NEBL: variants seen among roughly 807,000 people sequenced by gnomAD.
NEBL encodes nebulette, also known as LIM and SH3 protein 2.
Under a neutral mutation model 140.2 loss-of-function variants are expected in NEBL, and 122 were observed. That is an observed-to-expected ratio of 0.87 (90% CI 0.75 to 1.01). The LOEUF is 1.01. Ranked by LOEUF, NEBL falls within the 50% of genes least tolerant of loss-of-function variation. NEBL has a pLI of 0.00. For missense variants in NEBL, 1,365 were observed against 1,231.3 expected (o/e 1.11, Z -1.62); for synonymous variants, 436 against 398.9 (o/e 1.09, Z -1.11).
In NEBL at chr10:20,978,480, G is replaced by A. The variant is rs141813108; in HGVS notation, c.250-16701C>T. ...TAAATCAAAAATTTAGAAAGGGCTG[G>A]GTGCAGTGGCTCACATCTGTAATTT... On this transcript the variant is annotated intron_variant, in intron 3 of 6. Transcript: ENST00000417816. Among the ~76,000 whole-genome samples, 108 of 152,178 alleles carry A rather than the reference G, an allele frequency of 7.1e-4. 1 individual carries two copies. Among genetic ancestry groups the A allele is most frequent in the African/African-American group, 2.5e-3 (102 of 41,528 alleles).
intron 2 of NEBL, among the ~76,000 whole-genome samples, chr10:21,047,087 T>C (rs1416205633): frequency 6.6e-6 from 1 of 152,198 alleles, no homozygotes; most frequent in Admixed American, 6.5e-5. Flanking sequence ...CATGCAGACT[T>C]TCCAGATGTA....
At chr10:21,230,050 C>T (rs908117149) in intron 3 of NEBL, among the ~76,000 whole-genome samples, 1 of 152,216 alleles carries the variant, frequency 6.6e-6, no homozygotes, top group Admixed American at 6.5e-5. Flanking sequence ...AATTCCATCT[C>T]TTGGGTTAGA....
chr10:21,117,660 T>C (rs1360799564), intron 2 of NEBL, among the ~76,000 whole-genome samples: 2 of 152,196 alleles, frequency 1.3e-5, no homozygotes, highest in Admixed American at 6.6e-5. Flanking sequence ...TTATTCTTAG[T>C]ATGTTACGTT....
At chr10:21,072,422 G>A (rs376548903) in intron 2 of NEBL, among the ~76,000 whole-genome samples, 1 of 152,182 alleles carries the variant, frequency 6.6e-6, no homozygotes, top group Non-Finnish European at 1.5e-5. Flanking sequence ...AGGTGGACAT[G>A]TCTGTTGGGT....
chr10:20,988,430 C>CA (rs1387734596), intron 3 of NEBL, among the ~76,000 whole-genome samples: 1 of 150,972 alleles, frequency 6.6e-6, no homozygotes, highest in African/African-American at 2.4e-5. Context: ...ATTTTCCCAC[C>CA]AAAAAAAAAT....
intron 2 of NEBL, among the ~76,000 whole-genome samples, chr10:21,086,524 T>G (rs1466068453): frequency 2.0e-5 from 3 of 152,220 alleles, no homozygotes; most frequent in African/African-American, 7.2e-5. Flanking sequence ...ACACCTGTAA[T>G]CCCAGCACTT....
intron 24 of NEBL, 53 bp downstream of exon 24, chr10:20,812,716 C>G (rs1838281698): frequency 6.2e-7 from 1 of 1,604,292 alleles, no homozygotes; most frequent in Non-Finnish European, 8.5e-7. Flanking sequence ...GAAGCTAGAG[C>G]AAGCATGATC....
At chr10:20,840,630 A>G in intron 13 of NEBL, 109 bp downstream of exon 13, 1 of 762,768 alleles carries the variant, frequency 1.3e-6, no homozygotes. Context: ...GCTGTTTACA[A>G]TCACTTACAT....
intron 3 of NEBL, among the ~76,000 whole-genome samples, chr10:21,001,578 G>A (rs1007396595): frequency 3.3e-5 from 5 of 151,910 alleles, no homozygotes; most frequent in Non-Finnish European, 5.9e-5. Context: ...CAATCCACAG[G>A]TGAACTTATT....
chr10:21,016,097 A>G (rs1838545158), intron 3 of NEBL, among the ~76,000 whole-genome samples: 1 of 152,248 alleles, frequency 6.6e-6, no homozygotes, highest in African/African-American at 2.4e-5. Flanking sequence ...ACCACTCTTC[A>G]TGCTATTTCT....
intron 1 of NEBL, among the ~76,000 whole-genome samples, chr10:21,265,166 A>T (rs1281934064): frequency 6.6e-6 from 1 of 151,780 alleles, no homozygotes; most frequent in Non-Finnish European, 1.5e-5. Flanking sequence ...CAGGTGATCC[A>T]CCCACCTGGG....
intron 2 of NEBL, chr10:21,030,271 G>A: frequency 6.4e-6 from 4 of 620,874 alleles, no homozygotes; most frequent in South Asian, 1.6e-5. Flanking sequence ...ACCCAAGCTG[G>A]CGAAGTGAAG....
intron 9 of NEBL, among the ~76,000 whole-genome samples, chr10:20,855,432 A>C (rs1356250170): frequency 6.6e-6 from 1 of 151,758 alleles, no homozygotes; most frequent in East Asian, 1.9e-4. Flanking sequence ...ATGAATATAT[A>C]CTGAAAAATT....
At chr10:21,133,799 C>T (rs1032010997) in intron 2 of NEBL, among the ~76,000 whole-genome samples, 2 of 152,048 alleles carry the variant, frequency 1.3e-5, no homozygotes, top group African/African-American at 4.8e-5. Context: ...TCTGATTCTA[C>T]CAGGTGGCTG....
At chr10:21,099,295 A>C (rs140440030) in intron 2 of NEBL, among the ~76,000 whole-genome samples, 251 of 152,210 alleles carry the variant, frequency 1.6e-3, no homozygotes, top group Non-Finnish European at 2.5e-3. Flanking sequence ...TCACACACTG[A>C]GTAGCCCACC....
At chr10:20,981,137 C>G (rs904473228) in intron 3 of NEBL, among the ~76,000 whole-genome samples, 2 of 152,138 alleles carry the variant, frequency 1.3e-5, no homozygotes. Flanking sequence ...TCCACTTAAA[C>G]ACACAGGTTA....
chr10:20,799,821 A>C (rs1426547893), intron 26 of NEBL, among the ~76,000 whole-genome samples: 5 of 152,162 alleles, frequency 3.3e-5, no homozygotes, highest in Non-Finnish European at 7.3e-5. Flanking sequence ...TTCTTAAATA[A>C]AGCTCATGTA....
chr10:20,828,818 G>A (rs965704580), intron 16 of NEBL, among the ~76,000 whole-genome samples, 184 bp from the exon 17 acceptor site: 1 of 151,782 alleles, frequency 6.6e-6, no homozygotes, highest in African/African-American at 2.4e-5. Context: ...ACCATTCTTC[G>A]ATCTCTACCA....
At chr10:20,845,208 T>C in intron 12 of NEBL, 50 bp downstream of exon 12, 1 of 1,209,544 alleles carries the variant, frequency 8.3e-7, no homozygotes, top group South Asian at 1.3e-5. Flanking sequence ...TTCCTGGGTT[T>C]TTTCTTTACT....
Sources: gnomAD v4.1 joint callset for allele counts (sites outside exome capture counted in the v4.1 genomes callset) on GRCh38, gnomAD v4.1.1 for gene constraint, MANE v1.5 for transcripts, NCBI Gene and HGNC (gene_info 2026-07-23, HGNC 2026-07-21) for gene names.